Variants in LEKR1 observed in about 807,000 individuals in gnomAD.
The protein encoded by LEKR1 is leucine, glutamate and lysine rich 1, also known as protein LEKR1.
Under a neutral mutation model 72.4 loss-of-function variants are expected in LEKR1, and 59 were observed. The observed-to-expected ratio is 0.82, with a 90% CI of 0.66 to 1.01. LEKR1 has a LOEUF of 1.01. Ranked by LOEUF, LEKR1 falls within the 50% of genes least tolerant of loss-of-function variation. The pLI is 0.00. For missense variants in LEKR1, 728 were observed against 759.2 expected, an observed-to-expected ratio of 0.96 and a Z score of 0.48; for synonymous variants, 257 against 263.2, an observed-to-expected ratio of 0.98 and a Z score of 0.23.
chr3:156,839,440 C>T (rs539171482), intron 2 of LEKR1, among the ~76,000 whole-genome samples: 1 of 152,310 alleles, frequency 6.6e-6, no homozygotes, highest in African/African-American at 2.4e-5. Flanking sequence ...AGGCCTGGAA[C>T]AAGAAATTCC....
At chr3:156,864,976 C>T (rs996463980) in intron 3 of LEKR1, among the ~76,000 whole-genome samples, 2 of 151,988 alleles carry the variant, frequency 1.3e-5, no homozygotes, top group Non-Finnish European at 2.9e-5. Context: ...GCTTTAGTTA[C>T]CCTCTCTTGA....
intron 11 of LEKR1, among the ~76,000 whole-genome samples, chr3:157,025,713 G>A (rs1419741371): frequency 2.0e-5 from 3 of 152,142 alleles, no homozygotes; most frequent in Non-Finnish European, 4.4e-5. Flanking sequence ...TTATTGCTTT[G>A]CAGATACTAC....
intron 6 of LEKR1, among the ~76,000 whole-genome samples, chr3:156,971,122 G>C (rs1297088265): frequency 6.6e-6 from 1 of 152,122 alleles, no homozygotes; most frequent in African/African-American, 2.4e-5. Flanking sequence ...AAACAGCATG[G>C]TACTGGTACT....
intron 6 of LEKR1, among the ~76,000 whole-genome samples, chr3:156,974,328 C>A (rs936282133): frequency 6.6e-6 from 1 of 151,968 alleles, no homozygotes; most frequent in African/African-American, 2.4e-5. Context: ...ACCTTCAAAA[C>A]GAATAATTTT....
chr3:156,981,485 G>T (rs114401701), intron 7 of LEKR1, among the ~76,000 whole-genome samples: 6 of 152,132 alleles, frequency 3.9e-5, no homozygotes, highest in Non-Finnish European at 8.8e-5. Context: ...TTTCCTACAC[G>T]TACAAGACCT....
At chr3:156,971,979 T>C (rs1408582799) in intron 6 of LEKR1, among the ~76,000 whole-genome samples, 3 of 152,174 alleles carry the variant, frequency 2.0e-5, no homozygotes, top group Non-Finnish European at 4.4e-5. Flanking sequence ...GACCCAGCAA[T>C]GCCATTACTG....
intron 7 of LEKR1, among the ~76,000 whole-genome samples, chr3:156,981,570 G>T (rs1382324239): frequency 2.0e-5 from 3 of 152,192 alleles, no homozygotes; most frequent in African/African-American, 7.2e-5. Context: ...CACTTAAATG[G>T]CTCCAAGTGC....
In LEKR1 at chr3:156,982,298, T is replaced by A. The variant is rs181715527; in HGVS notation, c.827+3023T>A. ...GCACTGGCTTCAACCCAAAGCTAAGTCAGGTCCCTATAATCGCAAGATGGC... is the reference window on the plus strand; with the variant it reads ...GCACTGGCTTCAACCCAAAGCTAAGACAGGTCCCTATAATCGCAAGATGGC... On this transcript the variant is annotated intron_variant, in intron 7 of 12. Transcript: ENST00000356539. Among the ~76,000 whole-genome samples the A allele has an allele frequency of 3.4e-3, 511 of 152,248 alleles. 5 individuals carry two copies. Among genetic ancestry groups the A allele is most frequent in the South Asian group, 6.6e-3 (32 of 4,824 alleles).
chr3:156,892,375 A>G (rs1428213503), intron 3 of LEKR1, among the ~76,000 whole-genome samples: 1 of 152,180 alleles, frequency 6.6e-6, no homozygotes, highest in Non-Finnish European at 1.5e-5. Context: ...CCTGGACGAA[A>G]TTCTCGGGGC....
chr3:157,043,101 T>C (rs1735487807), intron 12 of LEKR1, among the ~76,000 whole-genome samples: 1 of 152,172 alleles, frequency 6.6e-6, no homozygotes, highest in East Asian at 1.9e-4. Context: ...CCCAACTCTC[T>C]TGCTCCTGCT....
Position 156,927,579 on chromosome 3 carries a change from A to G in LEKR1, c.534A>G (p.Lys178=), listed in dbSNP as rs1415186999. 1.2e-5 allele frequency: 15 copies of G among 1,235,114 alleles called. No homozygotes were observed. Among genetic ancestry groups the G allele is most frequent in the Non-Finnish European group, 1.4e-5 (14 of 968,554 alleles). 76.5% of individuals were successfully genotyped at this position (1,235,114 alleles called of 1,614,324 possible). A position where few individuals can be genotyped will look rare whatever the true frequency, so the allele number is the denominator to read the frequency against. Reference sequence around the variant, plus strand: ...AAGGAGCAGTTTTTCTACAAATTAAATCTATAAGTGAAACAGCCTTGACAG... The same window carrying G: ...AAGGAGCAGTTTTTCTACAAATTAAGTCTATAAGTGAAACAGCCTTGACAG... The part of the protein sequence containing the change: ...SLKGAVFLQI[K]SISETALTEI... Residue 178 remains lysine (K), a synonymous_variant, in exon 5 of 13, where the codon AAA becomes AAG. Coordinates refer to ENST00000356539, the MANE Select transcript of LEKR1 (RefSeq NM_001004316.3).
intron 3 of LEKR1, among the ~76,000 whole-genome samples, chr3:156,874,955 G>T (rs1718390031): frequency 6.6e-6 from 1 of 152,092 alleles, no homozygotes; most frequent in Non-Finnish European, 1.5e-5. Flanking sequence ...ATTTAGACTG[G>T]TTCCATATTT....
chr3:157,005,366 A>T (rs1038243683), intron 9 of LEKR1, among the ~76,000 whole-genome samples: 2 of 152,170 alleles, frequency 1.3e-5, no homozygotes, highest in Non-Finnish European at 2.9e-5. Context: ...GGTGAATTTT[A>T]CCAAGCATTT....
At chr3:156,849,184 G>C (rs559866099) in intron 2 of LEKR1, among the ~76,000 whole-genome samples, 1 of 152,068 alleles carries the variant, frequency 6.6e-6, no homozygotes, top group African/African-American at 2.4e-5. Flanking sequence ...AAAATACCTA[G>C]GAATCCAACT....
At chr3:156,976,408 G>A (rs1311212532) in intron 6 of LEKR1, among the ~76,000 whole-genome samples, 2 of 152,044 alleles carry the variant, frequency 1.3e-5, no homozygotes, top group Non-Finnish European at 2.9e-5. Flanking sequence ...CCTGACAAAA[G>A]CACCAGGGGC....
At chr3:156,972,702 ATAT>A (rs144171489) in intron 6 of LEKR1, among the ~76,000 whole-genome samples, 27,218 of 150,432 alleles carry the variant, frequency 0.18, 3,068 homozygotes, top group African/African-American at 0.31. Flanking sequence ...AGATAAAATA[ATAT>A]TATATTTTAA....
rs117091158 is a variant in LEKR1 at position 156,903,905 on chromosome 3, A to G, written c.264-16670A>G. Among the ~76,000 whole-genome samples, 233 of 152,334 alleles carry G rather than the reference A, an allele frequency of 1.5e-3. 10 individuals are homozygous for G. The East Asian group carries it at 0.032, about 21-fold the overall frequency. On this transcript the variant is annotated intron_variant, in intron 3 of 12. Transcript: ENST00000356539. ...TCCACTTAGCCAGCTGGGTTGGGTC[A>G]TAGAACATGGAAACTTCTGTGGCAG...
intron 2 of LEKR1, among the ~76,000 whole-genome samples, chr3:156,838,107 T>C (rs2108530669): frequency 6.6e-6 from 1 of 152,334 alleles, no homozygotes; most frequent in African/African-American, 2.4e-5. Flanking sequence ...TAAACTTGCC[T>C]CTGTTGGCCC....
intron 3 of LEKR1, among the ~76,000 whole-genome samples, chr3:156,860,453 G>A (rs1278178803): frequency 6.6e-6 from 1 of 152,104 alleles, no homozygotes; most frequent in Non-Finnish European, 1.5e-5. Flanking sequence ...TCTCATGTTA[G>A]GTGAGCCAGA....
Sources: gnomAD v4.1 joint callset for allele counts (sites outside exome capture counted in the v4.1 genomes callset) on GRCh38, gnomAD v4.1.1 for gene constraint, MANE v1.5 for transcripts, NCBI Gene and HGNC (gene_info 2026-07-23, HGNC 2026-07-21) for gene names.